Variants in GLIS3 observed in about 807,000 individuals in gnomAD.
The protein encoded by GLIS3 is GLIS family zinc finger 3.
GLIS3 carries 53 observed loss-of-function variants against 78.6 expected under a neutral mutation model. That is an observed-to-expected ratio of 0.67 (90% CI 0.54 to 0.85). The LOEUF is 0.85. Among genes scored for constraint, GLIS3 ranks in the 40% least tolerant of loss-of-function variants. GLIS3 has a pLI of 0.00. For missense variants in GLIS3, 1,703 were observed against 1,231.1 expected, an observed-to-expected ratio of 1.38 and a Z score of -5.74; for synonymous variants, 684 against 509.9, an observed-to-expected ratio of 1.34 and a Z score of -4.60.
At chr9:4,381,156 C>A in the GLIS3 span, among the ~76,000 whole-genome samples, 1 of 152,080 alleles carries the variant, frequency 6.6e-6, no homozygotes, top group Admixed American at 6.5e-5. Context: ...AATGACTTTA[C>A]ATTTTTAAGA....
the GLIS3 span, among the ~76,000 whole-genome samples, chr9:4,435,947 T>TCAA: frequency 4.0e-5 from 6 of 151,248 alleles, no homozygotes; most frequent in Non-Finnish European, 5.9e-5. Flanking sequence ...AGACTCCGTC[T>TCAA]CAAAACAAAA....
At chr9:4,174,050 T>C (rs983978279) in intron 2 of GLIS3, among the ~76,000 whole-genome samples, 1 of 152,162 alleles carries the variant, frequency 6.6e-6, no homozygotes, top group Non-Finnish European at 1.5e-5. Flanking sequence ...TTTCAATATA[T>C]TTAGACCTCT....
chr9:4,216,680 C>T (rs1194935427), intron 2 of GLIS3, among the ~76,000 whole-genome samples: 2 of 152,070 alleles, frequency 1.3e-5, no homozygotes, highest in Non-Finnish European at 2.9e-5. Context: ...TCCCAATATG[C>T]CTATGCCTTC....
At chr9:4,426,743 C>A in the GLIS3 span, among the ~76,000 whole-genome samples, 2 of 152,134 alleles carry the variant, frequency 1.3e-5, no homozygotes, top group Non-Finnish European at 1.5e-5. Flanking sequence ...TGCTGTGTGA[C>A]CTTGTGGATG....
the GLIS3 span, among the ~76,000 whole-genome samples, chr9:4,452,067 A>G: frequency 6.6e-6 from 1 of 152,192 alleles, no homozygotes; most frequent in Non-Finnish European, 1.5e-5. Flanking sequence ...ATCAATGACA[A>G]AAACGACATG....
In GLIS3 at chr9:3,977,852, G is replaced by A. The variant is rs142406155; in HGVS notation, c.1711-40663C>T. 7.3e-3 allele frequency among the ~76,000 whole-genome samples: 1,116 copies of A among 152,306 alleles called. 19 individuals are homozygous for A. The highest frequency in any genetic ancestry group is 0.026 in the African/African-American group (1,061 of 41,568). On this transcript the variant is annotated intron_variant, in intron 4 of 10. Coordinates refer to ENST00000381971, the MANE Select transcript of GLIS3 (RefSeq NM_001042413.2). The surrounding 1 kb of genome is among the most constrained non-coding windows in gnomAD (Gnocchi z 4.1). ...ATCACCATTTCTACAGCAGGCTGTT[G>A]CATCCAGCTGGTGAGGAGGTCTAAT...
intron 4 of GLIS3, among the ~76,000 whole-genome samples, chr9:3,974,522 C>A (rs529257435): frequency 3.3e-5 from 5 of 152,224 alleles, no homozygotes; most frequent in Admixed American, 6.5e-5. Context: ...GAAAACTATC[C>A]CAATGACAGA....
chr9:4,053,625 T>C (rs2130494954), intron 4 of GLIS3, among the ~76,000 whole-genome samples: 1 of 133,020 alleles, frequency 7.5e-6, no homozygotes, highest in East Asian at 2.3e-4. Flanking sequence ...GTCTCAATGG[T>C]GCTCAAGGCT....
chr9:4,267,540 G>A (rs1826126019), intron 2 of GLIS3, among the ~76,000 whole-genome samples: 1 of 152,136 alleles, frequency 6.6e-6, no homozygotes, highest in African/African-American at 2.4e-5. Context: ...TAATCTCTTT[G>A]TCCTTGACAA....
At chr9:4,025,630 C>T (rs1823269978) in intron 4 of GLIS3, among the ~76,000 whole-genome samples, 1 of 152,134 alleles carries the variant, frequency 6.6e-6, no homozygotes, top group African/African-American at 2.4e-5. Flanking sequence ...TTGTGATCCG[C>T]CCGTCTCAGC....
At chr9:3,973,873 C>A (rs1254496634) in intron 4 of GLIS3, among the ~76,000 whole-genome samples, 1 of 152,004 alleles carries the variant, frequency 6.6e-6, no homozygotes, top group Non-Finnish European at 1.5e-5. Context: ...TTTTGTAAAA[C>A]TTTTACATGT....
chr9:4,328,303 T>C (rs1454529156), intron 2 of GLIS3, among the ~76,000 whole-genome samples: 1 of 152,184 alleles, frequency 6.6e-6, no homozygotes, highest in Non-Finnish European at 1.5e-5. Flanking sequence ...GAAGAAGAGC[T>C]TGGTCACAGC....
In GLIS3 at chr9:4,162,776, G is replaced by C. The variant is rs145664058; in HGVS notation, c.389-36835C>G. Among the ~76,000 whole-genome samples, 974 of 147,504 alleles carry C rather than the reference G, an allele frequency of 6.6e-3. 6 individuals are homozygous for C. Among genetic ancestry groups the C allele is most frequent in the Admixed American group, 0.012 (177 of 14,376 alleles). ...GGAGGCTGAGGCAGAAGAATGGCCT[G>C]AACTCTGGAGGCGGAGCTTGCAGTG... On this transcript the variant is annotated intron_variant, in intron 2 of 10. Coordinates refer to ENST00000381971, the MANE Select transcript of GLIS3 (RefSeq NM_001042413.2).
chr9:4,401,826 A>T, the GLIS3 span, among the ~76,000 whole-genome samples: 1 of 151,918 alleles, frequency 6.6e-6, no homozygotes, highest in African/African-American at 2.4e-5. Flanking sequence ...CTTGGGCTTT[A>T]AGTGAGCATT....
At chr9:4,430,412 C>T in the GLIS3 span, among the ~76,000 whole-genome samples, 1 of 152,204 alleles carries the variant, frequency 6.6e-6, no homozygotes, top group Non-Finnish European at 1.5e-5. Context: ...CCCGTCTAGA[C>T]AAATAGGAGA....
chr9:4,262,915 T>C (rs902219106), intron 2 of GLIS3, among the ~76,000 whole-genome samples: 5 of 147,354 alleles, frequency 3.4e-5, no homozygotes. Context: ...CAGATGTTGA[T>C]TGTTTCAGTG....
At chr9:4,453,723 T>C in the GLIS3 span, among the ~76,000 whole-genome samples, 23 of 152,260 alleles carry the variant, frequency 1.5e-4, no homozygotes, top group Non-Finnish European at 2.6e-4. Context: ...CTGGAAACCA[T>C]CATTCTGAGC....
intron 9 of GLIS3, among the ~76,000 whole-genome samples, chr9:3,832,509 TTTC>T: frequency 6.6e-6 from 1 of 152,272 alleles, no homozygotes; most frequent in Admixed American, 6.5e-5. Flanking sequence ...CACAGACTAA[TTTC>T]TTCATTTACC....
intron 2 of GLIS3, among the ~76,000 whole-genome samples, chr9:4,271,110 C>G (rs988950924): frequency 2.0e-5 from 3 of 152,038 alleles, no homozygotes; most frequent in Non-Finnish European, 4.4e-5. Flanking sequence ...TGATCCACTT[C>G]TACTTAATGA....
Sources: allele counts gnomAD v4.1 joint callset (sites outside exome capture counted in the v4.1 genomes callset), GRCh38; gene constraint gnomAD v4.1.1; non-coding constraint Gnocchi (gnomAD v3.1); transcripts MANE v1.5; gene names NCBI Gene and HGNC (gene_info 2026-07-23, HGNC 2026-07-21).